Variants in C4orf50 observed in about 807,000 individuals in gnomAD.
The protein encoded by C4orf50 is uncharacterized protein C4orf50.
In C4orf50, 80 loss-of-function variants were observed where a neutral mutation model predicts 77.2. That is an observed-to-expected ratio of 1.04 (90% CI 0.87 to 1.25). The LOEUF (loss-of-function observed/expected upper bound fraction) is 1.25, where lower values mean the gene tolerates loss of function less well. C4orf50 is among the 50% of genes most tolerant of loss of function. C4orf50 has a pLI of 0.00. For synonymous variants in C4orf50, 532 were observed against 465.3 expected (o/e 1.14, Z -1.84); for missense variants, 1,257 against 1,152.9 (o/e 1.09, Z -1.31).
intron 7 of C4orf50, among the ~76,000 whole-genome samples, chr4:5,921,117 C>A (rs1457539044): frequency 2.0e-5 from 3 of 152,226 alleles, no homozygotes; most frequent in African/African-American, 7.2e-5. Flanking sequence ...GTCCCAGGAG[C>A]AGTTCCAGCT....
At chr4:5,985,474 C>T (rs572102722) in intron 28 of C4orf50, among the ~76,000 whole-genome samples, 1 of 151,052 alleles carries the variant, frequency 6.6e-6, no homozygotes, top group East Asian at 1.9e-4. Context: ...GTAAAGAAAA[C>T]TAATTTAAAG....
exon 28 of C4orf50, chr4:5,989,236 C>G: frequency 6.5e-7 from 1 of 1,536,016 alleles, no homozygotes; most frequent in South Asian, 1.2e-5. Context: ...AATCTGGCTT[C>G]TCTGTTTCTT....
At chr4:5,988,474 G>A (rs772189314) in exon 28 of C4orf50, 2 of 1,562,278 alleles carry the variant, frequency 1.3e-6, no homozygotes, top group South Asian at 1.2e-5. Context: ...CAGGGCATTG[G>A]CTACACCAGT....
intron 25 of C4orf50, among the ~76,000 whole-genome samples, chr4:6,003,497 TTGGTGATGATGGTGA>T (rs1560597325): frequency 1.3e-5 from 1 of 74,532 alleles, no homozygotes; most frequent in Non-Finnish European, 3.0e-5. Flanking sequence ...GATGGTGATG[TTGGTGATGATGGTGA>T]TGGTGATGAT....
intron 7 of C4orf50, among the ~76,000 whole-genome samples, chr4:5,951,667 C>T (rs973552354): frequency 4.3e-4 from 65 of 152,292 alleles, no homozygotes; most frequent in African/African-American, 1.4e-3. Context: ...AATAACAGTC[C>T]TTCCAACAGA....
At chr4:5,981,267 C>T (rs1720568213) in intron 28 of C4orf50, among the ~76,000 whole-genome samples, 1 of 152,092 alleles carries the variant, frequency 6.6e-6, no homozygotes, top group African/African-American at 2.4e-5. Context: ...CCGTGCTGAA[C>T]ACTCGGATTA....
chr4:5,998,494 G>A (rs181718085), intron 25 of C4orf50, among the ~76,000 whole-genome samples: 10 of 152,296 alleles, frequency 6.6e-5, no homozygotes, highest in South Asian at 4.1e-4. Flanking sequence ...AGAGATTCAC[G>A]TAGCTGCCAC....
intron 28 of C4orf50, among the ~76,000 whole-genome samples, chr4:5,981,332 T>C (rs1720571484): frequency 6.6e-6 from 1 of 151,894 alleles, no homozygotes; most frequent in South Asian, 2.1e-4. Context: ...TGTACATAAA[T>C]ACTTAGACAT....
At chr4:5,999,625 A>T (rs1721744958) in intron 25 of C4orf50, among the ~76,000 whole-genome samples, 1 of 152,054 alleles carries the variant, frequency 6.6e-6, no homozygotes, top group African/African-American at 2.4e-5. Context: ...CTCACTCATC[A>T]AGCATTTCAC....
intron 7 of C4orf50, among the ~76,000 whole-genome samples, chr4:5,917,850 G>A (rs2108735297): frequency 6.6e-6 from 1 of 152,202 alleles, no homozygotes; most frequent in South Asian, 2.1e-4. Context: ...GTCATTAGAA[G>A]TCATCCTGCC....
intron 7 of C4orf50, among the ~76,000 whole-genome samples, chr4:5,907,019 A>G (rs980175408): frequency 1.3e-5 from 2 of 152,188 alleles, no homozygotes; most frequent in Admixed American, 6.5e-5. Flanking sequence ...TGTGTTTCCA[A>G]TGAGTTCCAT....
exon 28 of C4orf50, chr4:5,989,025 A>G: frequency 6.5e-7 from 1 of 1,535,762 alleles, no homozygotes. Flanking sequence ...AACTCTTCCC[A>G]TTGCAGTCTT....
chr4:5,987,954 C>A (rs951606058), intron 28 of C4orf50, among the ~76,000 whole-genome samples: 1 of 152,320 alleles, frequency 6.6e-6, no homozygotes, highest in East Asian at 1.9e-4. Context: ...TTCATTGCAA[C>A]TTTCAAGACC....
At chr4:5,986,345 A>G (rs934075304) in intron 28 of C4orf50, among the ~76,000 whole-genome samples, 1 of 152,226 alleles carries the variant, frequency 6.6e-6, no homozygotes, top group Non-Finnish European at 1.5e-5. Flanking sequence ...GGACAAATGT[A>G]TAACTGAAAA....
rs1424033518 is a variant in C4orf50, at chr4:5,900,900, C to T, written c.*2475-2712G>A. The stretch of plus-strand genomic sequence containing the variant: ...TGGGAAGGGCAATGGCAGGGCCACT[C>T]TGAGCACACAGCCCATGTGTGTCAC... On this transcript the variant is annotated intron_variant, in intron 7 of 7. Transcript: ENST00000324058. The surrounding 1 kb of genome is among the most constrained non-coding windows in gnomAD (Gnocchi z 4.3). 1.3e-5 allele frequency: 2 copies of T among 152,252 alleles called. No individual in the cohort carries two copies. The highest frequency in any genetic ancestry group is 2.9e-5 in the Non-Finnish European group (2 of 68,046). 9.4% of individuals were successfully genotyped at this position (152,252 alleles called of 1,614,324 possible).
chr4:5,947,280 C>T (rs1262512050), intron 7 of C4orf50, among the ~76,000 whole-genome samples: 2 of 152,052 alleles, frequency 1.3e-5, no homozygotes, highest in Admixed American at 6.5e-5. Flanking sequence ...CCTTACTGAC[C>T]CCAATTTGAG....
At chr4:5,948,626 C>G (rs915515848) in intron 7 of C4orf50, among the ~76,000 whole-genome samples, 3 of 152,128 alleles carry the variant, frequency 2.0e-5, no homozygotes, top group African/African-American at 7.2e-5. Flanking sequence ...GAAATCCCGT[C>G]TCTAATAAAA....
At chr4:5,956,039 C>T (rs780142338), downstream of C4orf50, among the ~76,000 whole-genome samples, 1 of 152,282 alleles carries the variant, frequency 6.6e-6, no homozygotes, top group African/African-American at 2.4e-5. Flanking sequence ...AGCAATTTAC[C>T]CTCAGATACA....
rs890147992 is a variant in C4orf50, at chr4:5,961,281, C to T, written c.4276-1655G>A. 5.3e-5 allele frequency among the ~76,000 whole-genome samples: 8 copies of T among 152,138 alleles called. No homozygotes were observed. In the South Asian group the frequency reaches 8.3e-4, roughly 16 times the overall value. ...AGTGAGCCGAGATCGTGCCTCTGCA[C>T]GCCAGCCTGGGCAACAGAGGGAGAC... On this transcript the variant is annotated intron_variant, in intron 33 of 33. Coordinates refer to ENST00000531445, the Ensembl canonical transcript of C4orf50.
Sources: allele counts gnomAD v4.1 joint callset (sites outside exome capture counted in the v4.1 genomes callset), GRCh38; gene constraint gnomAD v4.1.1; non-coding constraint Gnocchi (gnomAD v3.1); transcripts MANE v1.5; gene names NCBI Gene and HGNC (gene_info 2026-07-23, HGNC 2026-07-21).